The following ARRDC3 variants were observed in gnomAD, a reference collection of about 807,000 sequenced individuals.
ARRDC3 encodes the protein arrestin domain containing 3.
ARRDC3 carries 10 observed loss-of-function variants against 47.2 expected under a neutral mutation model. The ratio of observed to expected loss-of-function variants is 0.21; its 90% CI spans 0.13 to 0.36. The LOEUF is 0.36. Among genes scored for constraint, ARRDC3 ranks in the 10% least tolerant of loss-of-function variants. The pLI, the probability that ARRDC3 is intolerant of heterozygous loss-of-function variation, is 1.00. For synonymous variants in ARRDC3, 156 were observed against 178.3 expected (o/e 0.87, Z 1.00); for missense variants, 381 against 503.6 (o/e 0.76, Z 2.33).
At chr5:91,376,542 C>T (rs897239253) in intron 3 of ARRDC3, 79 bp downstream of exon 3, 3 of 1,223,608 alleles carry the variant, frequency 2.5e-6, no homozygotes, top group African/African-American at 3.1e-5. Context: ...ATTATGACAA[C>T]TGCATAGTTT....
Position 91,375,133 on chromosome 5 carries a change from C to A in ARRDC3, c.659G>T (p.Arg220Leu), listed in dbSNP as rs756630990. ...IFAEIENCSSRMVVPKAAIYQ... is the reference protein window; with the variant it reads ...IFAEIENCSSLMVVPKAAIYQ... ...AATGGCTGCCTTTGGCACCACCATT[C>A]GGGAAGAGCAGTTCTCAATCTCAGC... The change falls in exon 5 of 8, where the codon CGA (arginine) becomes CTA (leucine). Residue 220 changes from arginine (R) to leucine (L), a missense_variant. By Grantham distance (102) the Arg-to-Leu change is moderately radical (BLOSUM62 -2). Coordinates refer to ENST00000265138, the MANE Select transcript of ARRDC3 (RefSeq NM_020801.4). The A allele has an allele frequency of 1.2e-6, 2 of 1,613,836 alleles. No individual in the cohort carries two copies. Among genetic ancestry groups the A allele is most frequent in the South Asian group, 2.2e-5 (2 of 91,070 alleles).
In ARRDC3 at chr5:91,374,196, A is replaced by G. The variant is rs775993938; in HGVS notation, c.951T>C (p.Phe317=). The part of the protein sequence containing the change: ...LVIGTIPLHP[F]GSRTSSVSSQ... ...TGCTTACACTTGAGGTTCTGCTACC[A>G]AATGGATGTAGAGGAATGGTACCGA... is the stretch of plus-strand genomic sequence containing the variant. The change falls in exon 6 of 8, where the codon TTT becomes TTC. Residue 317 remains phenylalanine (F), a synonymous_variant. Transcript: ENST00000265138. The G allele has an allele frequency of 5.6e-6, 9 of 1,614,082 alleles. No homozygotes were observed. Among genetic ancestry groups the G allele is most frequent in the Non-Finnish European group, 6.8e-6 (8 of 1,179,938 alleles).
Position 91,369,962 on chromosome 5 carries a change from G to C in ARRDC3, c.*1438C>G, listed in dbSNP as rs946014041. 1 of 151,968 alleles carries C rather than the reference G, an allele frequency of 6.6e-6. No homozygotes were observed. The highest frequency in any genetic ancestry group is 6.6e-5 in the Admixed American group (1 of 15,238). The allele number at this position is 151,968 out of a possible 1,614,324, so 9.4% of individuals were successfully genotyped here. A position where few individuals can be genotyped will look rare whatever the true frequency, so the allele number is the denominator to read the frequency against. ...CTCATGTTTAGCAAATTGTTCTTTA[G>C]GTAATGAAAAACAGTATTCTCATTA... On this transcript the variant is annotated 3_prime_UTR_variant, in exon 8 of 8. Coordinates refer to ENST00000265138, the MANE Select transcript of ARRDC3 (RefSeq NM_020801.4).
intron 1 of ARRDC3, chr5:91,380,214 G>GCGCCGC (rs989551533): frequency 2.1e-4 from 34 of 164,002 alleles, no homozygotes; most frequent in Non-Finnish European, 1.3e-4. Context: ...GCCTGCCCGC[G>GCGCCGC]CGCCGCCGCC....
chr5:91,376,075 A>G (rs1442162017), intron 3 of ARRDC3, among the ~76,000 whole-genome samples: 1 of 152,212 alleles, frequency 6.6e-6, no homozygotes, highest in Non-Finnish European at 1.5e-5. Context: ...TGTGCTTTAA[A>G]GATGTTACCA....
At chr5:91,379,254 C>T (rs1799379511) in intron 1 of ARRDC3, among the ~76,000 whole-genome samples, 1 of 138,280 alleles carries the variant, frequency 7.2e-6, no homozygotes, top group South Asian at 2.3e-4. Flanking sequence ...AGAATAGATA[C>T]TCCAAAACCA....
In ARRDC3 at chr5:91,374,737, A is replaced by G. The variant is rs138285105; in HGVS notation, c.870+185T>C. Among the ~76,000 whole-genome samples, 1,088 of 152,278 alleles carry G rather than the reference A, an allele frequency of 7.1e-3. 3 individuals carry two copies. The highest frequency in any genetic ancestry group is 0.024 in the African/African-American group (987 of 41,550). ...CATCACTACAAAAAATACAAAAATTATCCAGGCATGGCTATAGGCACACCT... is the reference window on the plus strand; with the variant it reads ...CATCACTACAAAAAATACAAAAATTGTCCAGGCATGGCTATAGGCACACCT... On this transcript the variant is annotated intron_variant, in intron 5 of 7. Transcript: ENST00000265138.
intron 6 of ARRDC3, 27 bp from the exon 7 acceptor site, chr5:91,373,865 G>C: frequency 6.2e-7 from 1 of 1,612,944 alleles, no homozygotes; most frequent in South Asian, 1.1e-5. Context: ...CACGCAATTC[G>C]AACAGCATGT....
At chr5:91,375,214 G>GA (rs781048182) in intron 4 of ARRDC3, 36 bp from the exon 5 acceptor site, 3 of 1,566,656 alleles carry the variant, frequency 1.9e-6, no homozygotes, top group East Asian at 2.3e-5. Flanking sequence ...TCTACTGTTA[G>GA]AAAAAAACAA....
At position 91,383,245 on chromosome 5, in the gene ARRDC3, T is replaced by C; in HGVS notation, c.-153A>G. 1 of 741,982 alleles carries C rather than the reference T, an allele frequency of 1.3e-6. No individual in the cohort carries two copies. Among genetic ancestry groups the C allele is most frequent in the Non-Finnish European group, 2.1e-6 (1 of 479,126 alleles). The allele number at this position is 741,982 out of a possible 1,614,324, so 46.0% of individuals were successfully genotyped here. On this transcript the variant is annotated 5_prime_UTR_variant, in exon 1 of 8. Transcript: ENST00000265138. ...TTCTCTACAAATAGTTCATTGAGAT[T>C]TCTTAAAAAGTCAGGGCAGCAGAGG...
chr5:91,376,888 T>C, intron 2 of ARRDC3, 120 bp from the exon 3 acceptor site: 2 of 1,005,050 alleles, frequency 2.0e-6, no homozygotes, highest in Non-Finnish European at 2.6e-6. Flanking sequence ...GTATCAAACA[T>C]ATAATTTAAA....
chr5:91,378,676 ATTAT>A lies in ARRDC3; in HGVS notation c.362+14_362+17del. 1 of 1,401,316 alleles carries A rather than the reference ATTAT, an allele frequency of 7.1e-7. No individual in the cohort carries two copies. Among genetic ancestry groups the A allele is most frequent in the East Asian group, 2.4e-5 (1 of 42,496 alleles). 86.8% of individuals were successfully genotyped at this position (1,401,316 alleles called of 1,614,324 possible). A position where few individuals can be genotyped will look rare whatever the true frequency, so the allele number is the denominator to read the frequency against. ...ATCATAAGTATCTATAAAAATGCCT[ATTAT>A]TTATAATACTTACGTCTGTGGAAGC... On this transcript the variant is annotated intron_variant, in intron 2 of 7. Transcript: ENST00000265138.
chr5:91,379,668 T>C (rs1401963665), intron 1 of ARRDC3, among the ~76,000 whole-genome samples: 1 of 152,134 alleles, frequency 6.6e-6, no homozygotes, highest in East Asian at 1.9e-4. Flanking sequence ...GGGTTCTAGA[T>C]CATTAAAGTG....
rs539115449 is a variant in ARRDC3 at position 91,369,642 on chromosome 5, TATTA to T, written c.*1754_*1757del. 3.1e-3 allele frequency: 475 copies of T among 152,586 alleles called. 1 individual carries two copies. The highest frequency in any genetic ancestry group is 4.4e-3 in the Non-Finnish European group (301 of 68,012). 9.5% of individuals were successfully genotyped at this position (152,586 alleles called of 1,614,324 possible). On this transcript the variant is annotated 3_prime_UTR_variant, in exon 8 of 8. Coordinates refer to ENST00000265138, the MANE Select transcript of ARRDC3 (RefSeq NM_020801.4). The stretch of plus-strand genomic sequence containing the variant: ...GAGCTACTATTATTTTCAGCCACTT[TATTA>T]ACTGTGGGGTTAAATGGCAGGATAG...
In ARRDC3 at chr5:91,369,023, G is replaced by A. The variant is rs1799105561; in HGVS notation, c.*2377C>T. On this transcript the variant is annotated 3_prime_UTR_variant, in exon 8 of 8. Transcript: ENST00000265138. ...CTGTGAACCTCACATCTTATGTCAG[G>A]AATTGACCAATATTTTTAAAAAAGT... is the stretch of plus-strand genomic sequence containing the variant. 6.6e-6 allele frequency: 1 copy of A among 152,448 alleles called. No individual in the cohort carries two copies. Among genetic ancestry groups the A allele is most frequent in the Non-Finnish European group, 1.5e-5 (1 of 68,014 alleles). 9.4% of individuals were successfully genotyped at this position (152,448 alleles called of 1,614,324 possible).
At chr5:91,375,900 A>G (rs1799289868) in intron 3 of ARRDC3, among the ~76,000 whole-genome samples, 1 of 152,160 alleles carries the variant, frequency 6.6e-6, no homozygotes, top group Non-Finnish European at 1.5e-5. Context: ...TTACAAATAT[A>G]GTAATCAAAA....
At chr5:91,381,191 C>A (rs1441049187) in intron 1 of ARRDC3, among the ~76,000 whole-genome samples, 1 of 148,280 alleles carries the variant, frequency 6.7e-6, no homozygotes, top group Non-Finnish European at 1.5e-5. Flanking sequence ...CTCGTCTACG[C>A]GTTGCAGGGT....
At chr5:91,375,245 A>C (rs776245088) in intron 4 of ARRDC3, 67 bp from the exon 5 acceptor site, 135 of 1,508,444 alleles carry the variant, frequency 8.9e-5, no homozygotes, top group Non-Finnish European at 1.1e-4. Context: ...CAAGATTCTT[A>C]AAGCTAAAGT....
chr5:91,375,628 T>G lies in ARRDC3; in HGVS notation c.511-15A>C. 1 of 1,588,230 alleles carries G rather than the reference T, an allele frequency of 6.3e-7. No individual in the cohort carries two copies. The highest frequency in any genetic ancestry group is 8.6e-7 in the Non-Finnish European group (1 of 1,160,920). On this transcript the variant is annotated splice_polypyrimidine_tract_variant and intron_variant, in intron 3 of 7. Transcript: ENST00000265138. ...GCTTGGGGTGACTGTAAGAAAAAAATTAAGAGAAAAAGGTCAGTGTATGGA... is the reference window on the plus strand; with the variant it reads ...GCTTGGGGTGACTGTAAGAAAAAAAGTAAGAGAAAAAGGTCAGTGTATGGA...
Sources: allele counts gnomAD v4.1 joint callset (sites outside exome capture counted in the v4.1 genomes callset), GRCh38; gene constraint gnomAD v4.1.1; transcripts MANE v1.5; gene names NCBI Gene and HGNC (gene_info 2026-07-23, HGNC 2026-07-21).